The following ALK variants were observed in gnomAD, a reference collection of about 807,000 sequenced individuals.
The protein encoded by ALK is ALK tyrosine kinase receptor.
Under a neutral mutation model 163.1 loss-of-function variants are expected in ALK, and 74 were observed. That is an observed-to-expected ratio of 0.45 (90% confidence interval 0.38 to 0.55). ALK has a LOEUF of 0.55. Ranked by LOEUF, ALK falls within the 20% of genes least tolerant of loss-of-function variation. ALK has a pLI of 0.00. For missense variants in ALK, 2,063 were observed against 2,105.3 expected, an observed-to-expected ratio of 0.98 and a Z score of 0.39; for synonymous variants, 960 against 843.2, an observed-to-expected ratio of 1.14 and a Z score of -2.40.
chr2:29,592,999 C>T lies in ALK; in HGVS notation c.953-60883G>A, dbSNP rs563433879. Reference sequence around the variant, plus strand: ...CTGCTGTTTTAAGCCACCCAGTTTGCGGTCATTTGTTGTGGCAGCCCTAAG... The same window carrying T: ...CTGCTGTTTTAAGCCACCCAGTTTGTGGTCATTTGTTGTGGCAGCCCTAAG... On this transcript the variant is annotated intron_variant, in intron 3 of 28. Transcript: ENST00000389048. 1.1e-4 allele frequency among the ~76,000 whole-genome samples: 16 copies of T among 152,318 alleles called. No homozygotes were observed. In the South Asian group the frequency reaches 2.1e-3, roughly 20 times the overall value.
intron 8 of ALK, among the ~76,000 whole-genome samples, chr2:29,315,485 A>C (rs953505910): frequency 6.6e-6 from 1 of 152,118 alleles, no homozygotes; most frequent in Admixed American, 6.5e-5. Context: ...CACAGACAGG[A>C]GGAAAACTCT....
chr2:29,397,723 C>T (rs1412914345), intron 4 of ALK, among the ~76,000 whole-genome samples: 2 of 152,188 alleles, frequency 1.3e-5, no homozygotes, highest in African/African-American at 4.8e-5. Flanking sequence ...TTTTTCTACA[C>T]GTTTACCTCT....
chr2:29,394,210 G>T (rs1322767720), intron 4 of ALK, among the ~76,000 whole-genome samples: 1 of 151,754 alleles, frequency 6.6e-6, no homozygotes, highest in Non-Finnish European at 1.5e-5. Context: ...CAGTAGTATT[G>T]TCTAAGAGGG....
chr2:29,286,021 T>A (rs1665847612), intron 9 of ALK, among the ~76,000 whole-genome samples: 1 of 152,248 alleles, frequency 6.6e-6, no homozygotes, highest in South Asian at 2.1e-4. Flanking sequence ...AAGCCTCTGC[T>A]TTCCCTGAAG....
intron 5 of ALK, among the ~76,000 whole-genome samples, chr2:29,363,388 C>T (rs992716381): frequency 6.6e-6 from 1 of 152,194 alleles, no homozygotes; most frequent in Non-Finnish European, 1.5e-5. Context: ...CATGGAGTGG[C>T]GCCTTTCTGA....
At chr2:29,252,830 TATTTA>T (rs1558639395) in intron 11 of ALK, among the ~76,000 whole-genome samples, 2 of 151,638 alleles carry the variant, frequency 1.3e-5, no homozygotes, top group African/African-American at 2.4e-5. Context: ...CCTGATTTTT[TATTTA>T]TTTTTTTTTA....
At chr2:29,836,658 A>AC (rs1665569937) in intron 1 of ALK, among the ~76,000 whole-genome samples, 1 of 152,104 alleles carries the variant, frequency 6.6e-6, no homozygotes, top group African/African-American at 2.4e-5. Context: ...CAGAGCTTAG[A>AC]CCCCTAATCT....
intron 2 of ALK, among the ~76,000 whole-genome samples, chr2:29,700,442 GCT>G (rs1375657424): frequency 6.6e-6 from 1 of 152,170 alleles, no homozygotes; most frequent in Admixed American, 6.5e-5. Context: ...TACTTGGGAG[GCT>G]GAGGCAGGAG....
intron 3 of ALK, among the ~76,000 whole-genome samples, chr2:29,537,694 G>A (rs958659498): frequency 6.6e-6 from 1 of 152,226 alleles, no homozygotes; most frequent in African/African-American, 2.4e-5. Context: ...AAGAATGGTA[G>A]AGACACTGGC....
intron 1 of ALK, among the ~76,000 whole-genome samples, chr2:29,753,967 A>C (rs749140332): frequency 6.6e-6 from 1 of 152,228 alleles, no homozygotes; most frequent in Non-Finnish European, 1.5e-5. Context: ...GCATCTTTGT[A>C]AGAAAAGTAA....
At chr2:29,574,791 G>T (rs1244442966) in intron 3 of ALK, among the ~76,000 whole-genome samples, 2 of 152,190 alleles carry the variant, frequency 1.3e-5, no homozygotes, top group Non-Finnish European at 2.9e-5. Context: ...ACTTGGGGAG[G>T]TTCTTCTAAG....
At chr2:29,408,667 G>A (rs1669654071) in intron 4 of ALK, among the ~76,000 whole-genome samples, 1 of 152,280 alleles carries the variant, frequency 6.6e-6, no homozygotes, top group South Asian at 2.1e-4. Context: ...CATGATATGC[G>A]CTGATGATCT....
chr2:29,252,089 C>A (rs1664828962), intron 11 of ALK, among the ~76,000 whole-genome samples: 1 of 152,078 alleles, frequency 6.6e-6, no homozygotes, highest in African/African-American at 2.4e-5. Flanking sequence ...TCCCCCTCAC[C>A]CATTCCTGGT....
intron 3 of ALK, among the ~76,000 whole-genome samples, chr2:29,540,621 C>G (rs1488785804): frequency 2.0e-5 from 3 of 146,658 alleles, no homozygotes; most frequent in Non-Finnish European, 3.0e-5. Flanking sequence ...AGGTTTTTCT[C>G]CTCATAACTC....
In ALK at chr2:29,838,806, T is replaced by C. The variant is rs549723231; in HGVS notation, c.667+81187A>G. Among the ~76,000 whole-genome samples the C allele has an allele frequency of 3.3e-5, 5 of 152,290 alleles. No homozygotes were observed. In the East Asian group the frequency reaches 7.7e-4, roughly 23 times the overall value. ...GGCATGAGGAACCTTTCTGTGATGA[T>C]AGAAATATTATATATCTCAATAGGG... On this transcript the variant is annotated intron_variant, in intron 1 of 28. Coordinates refer to ENST00000389048, the MANE Select transcript of ALK (RefSeq NM_004304.5).
chr2:29,482,246 G>A (rs1410707265), intron 4 of ALK, among the ~76,000 whole-genome samples: 1 of 152,210 alleles, frequency 6.6e-6, no homozygotes, highest in East Asian at 1.9e-4. Context: ...GGATACACCA[G>A]TGGACAGTGT....
chr2:29,404,519 A>G (rs1304310943), intron 4 of ALK, among the ~76,000 whole-genome samples: 1 of 152,220 alleles, frequency 6.6e-6, no homozygotes, highest in Admixed American at 6.5e-5. Flanking sequence ...GGGCAAAAAA[A>G]GAATAAGACA....
At chr2:29,249,842 G>A (rs1168624470) in intron 12 of ALK, among the ~76,000 whole-genome samples, 1 of 152,166 alleles carries the variant, frequency 6.6e-6, no homozygotes, top group African/African-American at 2.4e-5. Context: ...GGTGTCTTCC[G>A]GGATATTTAC....
At chr2:29,371,762 TTGC>T (rs1668642713) in intron 5 of ALK, among the ~76,000 whole-genome samples, 4 of 152,154 alleles carry the variant, frequency 2.6e-5, no homozygotes, top group African/African-American at 4.8e-5. Context: ...CTGCCCACTG[TTGC>T]ACCTGCCAAT....
Sources: gnomAD v4.1 joint callset for allele counts (sites outside exome capture counted in the v4.1 genomes callset) on GRCh38, gnomAD v4.1.1 for gene constraint, MANE v1.5 for transcripts, NCBI Gene and HGNC (gene_info 2026-07-23, HGNC 2026-07-21) for gene names.